Variants in FAF2 observed in about 807,000 individuals in gnomAD.
The protein encoded by FAF2 is Fas associated factor family member 2.
In FAF2, 9 loss-of-function variants were observed where a neutral mutation model predicts 62.3. That is an observed-to-expected ratio of 0.14 (90% CI 0.09 to 0.25). FAF2 has a LOEUF of 0.25. FAF2 is among the 10% of genes least tolerant of loss of function. FAF2 has a pLI of 1.00. For synonymous variants in FAF2, 202 were observed against 198.0 expected (o/e 1.02, Z -0.17); for missense variants, 368 against 556.2 (o/e 0.66, Z 3.40).
chr5:176,460,457 T>C (rs1758357608), intron 1 of FAF2, among the ~76,000 whole-genome samples: 2 of 151,886 alleles, frequency 1.3e-5, no homozygotes, highest in African/African-American at 2.4e-5. Flanking sequence ...TGGTAACTCA[T>C]TGTGATTTTG....
At chr5:176,480,466 G>C (rs1455506375) in intron 2 of FAF2, among the ~76,000 whole-genome samples, 8 of 152,064 alleles carry the variant, frequency 5.3e-5, no homozygotes, top group African/African-American at 1.9e-4. Flanking sequence ...GGGCTGGAAT[G>C]CATTGGCACA....
intron 1 of FAF2, among the ~76,000 whole-genome samples, chr5:176,450,166 AT>A: frequency 6.6e-6 from 1 of 152,296 alleles, no homozygotes; most frequent in Non-Finnish European, 1.5e-5. Context: ...TGAAGTGGTT[AT>A]TTTTTCCCCT....
At chr5:176,455,579 A>G (rs553058420) in intron 1 of FAF2, among the ~76,000 whole-genome samples, 3 of 152,280 alleles carry the variant, frequency 2.0e-5, no homozygotes, top group Admixed American at 6.5e-5. Flanking sequence ...GTGAAACCCC[A>G]TCTCTACTAA....
chr5:176,504,727 G>C (rs577926999), intron 10 of FAF2, among the ~76,000 whole-genome samples: 1 of 152,148 alleles, frequency 6.6e-6, no homozygotes, highest in Admixed American at 6.5e-5. Flanking sequence ...TAGGTTGATA[G>C]ACTAAAATAT....
At chr5:176,488,575 A>G (rs760019215) in intron 3 of FAF2, among the ~76,000 whole-genome samples, 2 of 151,796 alleles carry the variant, frequency 1.3e-5, no homozygotes, top group Non-Finnish European at 2.9e-5. Context: ...GGTGCATGCC[A>G]CCATGCCTGG....
At chr5:176,504,938 G>C (rs1374496533) in intron 10 of FAF2, among the ~76,000 whole-genome samples, 2 of 151,576 alleles carry the variant, frequency 1.3e-5, no homozygotes, top group East Asian at 3.9e-4. Flanking sequence ...CAGGAGGATT[G>C]CTTGAACCTG....
At chr5:176,461,650 G>A (rs757472462) in intron 1 of FAF2, among the ~76,000 whole-genome samples, 13 of 150,492 alleles carry the variant, frequency 8.6e-5, no homozygotes, top group Admixed American at 6.0e-4. Flanking sequence ...TTTTTAATGG[G>A]GTTATTATTA....
intron 1 of FAF2, among the ~76,000 whole-genome samples, chr5:176,458,578 A>G (rs569141956): frequency 1.6e-4 from 24 of 148,800 alleles, no homozygotes; most frequent in African/African-American, 6.0e-4. Flanking sequence ...TAATTTTTGT[A>G]TTTTTTAAGT....
chr5:176,484,349 G>GA (rs1266790309), intron 2 of FAF2, among the ~76,000 whole-genome samples: 2 of 152,270 alleles, frequency 1.3e-5, no homozygotes, highest in Admixed American at 6.5e-5. Context: ...GAAACATGAT[G>GA]AAATCTCACT....
rs1755711787 is a variant in FAF2 at position 176,507,881 on chromosome 5, A to T, written c.*931A>T. On this transcript the variant is annotated 3_prime_UTR_variant, in exon 11 of 11. Transcript: ENST00000261942. ...GTGGTTATGGGGTCTGAACCAAAGG[A>T]TAGCAGCTCTTCATTCCTCTTCTGA... 1 of 152,652 alleles carries T rather than the reference A, an allele frequency of 6.6e-6. No homozygotes were observed. Among genetic ancestry groups the T allele is most frequent in the African/African-American group, 2.4e-5 (1 of 41,408 alleles). 9.5% of individuals were successfully genotyped at this position (152,652 alleles called of 1,614,324 possible). A position where few individuals can be genotyped will look rare whatever the true frequency, so the allele number is the denominator to read the frequency against.
rs970643060 is a variant in FAF2, at chr5:176,494,753, C to T, written c.661+478C>T. ...TGTATTTTTAGTAGAGATGGGGTTT[C>T]ACCATGTAGCCTCAAACTCCTGGAC... On this transcript the variant is annotated intron_variant, in intron 7 of 10. Transcript: ENST00000261942. The surrounding 1 kb of genome is among the most constrained non-coding windows in gnomAD (Gnocchi z 4.0). Among the ~76,000 whole-genome samples the T allele has an allele frequency of 3.3e-5, 5 of 152,062 alleles. No individual in the cohort carries two copies. The highest frequency in any genetic ancestry group is 1.2e-4 in the African/African-American group (5 of 41,390).
intron 3 of FAF2, among the ~76,000 whole-genome samples, chr5:176,488,511 T>C (rs1241721921): frequency 6.6e-6 from 1 of 152,148 alleles, no homozygotes; most frequent in African/African-American, 2.4e-5. Flanking sequence ...AACCTCCGCC[T>C]CCTGGGTTTA....
chr5:176,500,109 G>A lies in FAF2; in HGVS notation c.1118G>A (p.Arg373Gln). The A allele has an allele frequency of 6.2e-7, 1 of 1,614,116 alleles. No individual in the cohort carries two copies. Among genetic ancestry groups the A allele is most frequent in the Non-Finnish European group, 8.5e-7 (1 of 1,180,002 alleles). Residue 373 changes from arginine to glutamine, a missense_variant, in exon 10 of 11, where the codon CGA becomes CAA. By Grantham distance (43) the Arg-to-Gln change is conservative. This residue lies in a region of FAF2 where 37 missense variants were observed against 114.3 expected (regional missense o/e 0.32). Coordinates refer to ENST00000261942, the MANE Select transcript of FAF2 (RefSeq NM_014613.3). ...KIIFKLPNDSRVERRFHFSQS... is the reference protein window; with the variant it reads ...KIIFKLPNDSQVERRFHFSQS... ...ATCTTCAAATTACCTAATGATTCTC[G>A]AGTAGAGAGACGATTCCACTTTTCA...
At chr5:176,495,848 A>G (rs575243508) in intron 7 of FAF2, among the ~76,000 whole-genome samples, 88 of 152,180 alleles carry the variant, frequency 5.8e-4, no homozygotes, top group African/African-American at 1.9e-3. Flanking sequence ...GAACAGAAAA[A>G]CTAACCTTTT....
At chr5:176,451,870 ACACACATATATATATATATATATTTTTT>A (rs1758186667) in intron 1 of FAF2, among the ~76,000 whole-genome samples, 10 of 27,286 alleles carry the variant, frequency 3.7e-4, no homozygotes, top group African/African-American at 1.0e-3. Context: ...ATATATATAT[ACACACATATATATATATATATATTTTTT>A]TTTTTTTTTT....
chr5:176,498,376 G>T (rs959957382), intron 8 of FAF2, among the ~76,000 whole-genome samples: 1 of 152,032 alleles, frequency 6.6e-6, no homozygotes, highest in Non-Finnish European at 1.5e-5. Context: ...ATTTTGATTG[G>T]CTAAATATTT....
At chr5:176,504,482 G>T (rs1240065617) in intron 10 of FAF2, among the ~76,000 whole-genome samples, 2 of 151,984 alleles carry the variant, frequency 1.3e-5, no homozygotes, top group Non-Finnish European at 2.9e-5. Context: ...TGCTTGGGAG[G>T]CTGAGGCAGG....
Position 176,478,506 on chromosome 5 carries a change from G to A in FAF2, c.64-682G>A, listed in dbSNP as rs529667661. ...AAAAAAAGTGGCGGGGGGTAGGGGG[G>A]TCGGTATGTTAGGTTTTACACAGTT... On this transcript the variant is annotated intron_variant, in intron 1 of 10. Transcript: ENST00000261942. Among the ~76,000 whole-genome samples the A allele has an allele frequency of 2.5e-3, 386 of 152,178 alleles. 1 individual carries two copies. The highest frequency in any genetic ancestry group is 8.8e-3 in the African/African-American group (364 of 41,504).
chr5:176,487,150 A>G (rs559283485), intron 3 of FAF2, among the ~76,000 whole-genome samples: 10 of 152,128 alleles, frequency 6.6e-5, no homozygotes, highest in Non-Finnish European at 1.2e-4. Context: ...AATTTACTCC[A>G]TCATCAAGCC....
Sources: allele counts gnomAD v4.1 joint callset (sites outside exome capture counted in the v4.1 genomes callset), GRCh38; gene constraint gnomAD v4.1.1; regional missense constraint gnomAD v4.1.1; non-coding constraint Gnocchi (gnomAD v3.1); transcripts MANE v1.5; gene names NCBI Gene and HGNC (gene_info 2026-07-23, HGNC 2026-07-21).